The following HSF2BP variants were observed in gnomAD, a reference collection of about 807,000 sequenced individuals.
HSF2BP encodes heat shock transcription factor 2 binding protein.
Under a neutral mutation model 35.0 loss-of-function variants are expected in HSF2BP, and 35 were observed. The ratio of observed to expected loss-of-function variants is 1.00; its 90% CI spans 0.76 to 1.32. The LOEUF is 1.32. HSF2BP is among the 40% of genes most tolerant of loss of function. The probability of loss-of-function intolerance (pLI) is 0.00; values close to 1 mark genes in which losing one functional copy is unlikely to be tolerated. For missense variants in HSF2BP, 326 were observed against 321.7 expected (o/e 1.01, Z -0.10); for synonymous variants, 114 against 117.4 (o/e 0.97, Z 0.18).
At chr21:43,585,613 T>C (rs1369297218) in intron 8 of HSF2BP, among the ~76,000 whole-genome samples, 2 of 149,088 alleles carry the variant, frequency 1.3e-5, no homozygotes, top group Admixed American at 6.7e-5. Context: ...GCCACTGCAC[T>C]CCAGCCTGGG....
chr21:43,467,924 C>CCA, the HSF2BP span, among the ~76,000 whole-genome samples: 2 of 119,402 alleles, frequency 1.7e-5, no homozygotes, highest in Admixed American at 8.2e-5. Flanking sequence ...ACCACACACA[C>CCA]CACACACCAC....
chr21:43,644,438 T>C (rs756728118), intron 3 of HSF2BP, 46 bp from the exon 4 acceptor site: 1 of 1,445,724 alleles, frequency 6.9e-7, no homozygotes, highest in South Asian at 1.1e-5. Flanking sequence ...AAGTCACTAA[T>C]CTCTCCCTAA....
Position 43,654,716 on chromosome 21 carries a change from C to T in HSF2BP, c.187+1871G>A, listed in dbSNP as rs555192493. 1.1e-4 allele frequency among the ~76,000 whole-genome samples: 17 copies of T among 152,274 alleles called. No homozygotes were observed. In the East Asian group the frequency reaches 3.1e-3, roughly 28 times the overall value. ...GAAGAAATGCCAAGTCGGAGTCAGGCACAAGGCCGTGAGCTTGGAGAGTTC... is the reference window on the plus strand; with the variant it reads ...GAAGAAATGCCAAGTCGGAGTCAGGTACAAGGCCGTGAGCTTGGAGAGTTC... On this transcript the variant is annotated intron_variant, in intron 3 of 8. Coordinates refer to ENST00000291560, the MANE Select transcript of HSF2BP (RefSeq NM_007031.2).
At chr21:43,580,583 C>G (rs532895886) in intron 8 of HSF2BP, among the ~76,000 whole-genome samples, 2 of 152,314 alleles carry the variant, frequency 1.3e-5, no homozygotes, top group Non-Finnish European at 2.9e-5. Context: ...GGAGAAGTTT[C>G]AAGTCAATAA....
chr21:43,644,349 A>G lies in HSF2BP; in HGVS notation c.231T>C (p.Asp77=), dbSNP rs1568939002. 2 of 1,614,034 alleles carry G rather than the reference A, an allele frequency of 1.2e-6. No homozygotes were observed. Among genetic ancestry groups the G allele is most frequent in the Admixed American group, 3.3e-5 (2 of 60,002 alleles). The part of the protein sequence containing the change: ...KEQELEQLKM[D]CEHFKARLET... Reference sequence around the variant, plus strand: ...CCAGGCGGGCTTTAAAGTGCTCACAATCCATTTTCAGCTGCTCTAATTCTT... The same window carrying G: ...CCAGGCGGGCTTTAAAGTGCTCACAGTCCATTTTCAGCTGCTCTAATTCTT... Residue 77 remains aspartate (D), a synonymous_variant, in exon 4 of 9, where the codon GAT becomes GAC. Transcript: ENST00000291560.
At chr21:43,623,019 G>A (rs114067680) in intron 6 of HSF2BP, among the ~76,000 whole-genome samples, 101 of 149,316 alleles carry the variant, frequency 6.8e-4, no homozygotes, top group African/African-American at 2.4e-3. Flanking sequence ...GCCCAGGCTC[G>A]TCTGAAACTC....
At chr21:43,574,751 C>T (rs937257622) in intron 8 of HSF2BP, among the ~76,000 whole-genome samples, 7 of 152,164 alleles carry the variant, frequency 4.6e-5, no homozygotes, top group Admixed American at 2.6e-4. Context: ...CACACAGGGC[C>T]GCCCTCCATG....
chr21:43,583,808 AGAGATGAAGGGCCTGCTGAGG>A, intron 8 of HSF2BP, among the ~76,000 whole-genome samples: 1 of 28,968 alleles, frequency 3.5e-5, no homozygotes, highest in East Asian at 1.2e-3. Context: ...ACCTGCTGAG[AGAGATGAAGGGCCTGCTGAGG>A]GAGATGAGGA....
intron 8 of HSF2BP, among the ~76,000 whole-genome samples, chr21:43,580,717 C>T (rs2081715548): frequency 1.3e-5 from 2 of 152,166 alleles, no homozygotes; most frequent in Admixed American, 6.5e-5. Context: ...AACACTTGAC[C>T]AACATAATAA....
Position 43,599,518 on chromosome 21 carries a change from A to T in HSF2BP, c.693-7190T>A, listed in dbSNP as rs577142299. ...ATATTAAATGTTATTTCTTGGCCAG[A>T]TGCAGTGGCTCATGCCTGTAATCCC... On this transcript the variant is annotated intron_variant, in intron 7 of 8. Coordinates refer to ENST00000291560, the MANE Select transcript of HSF2BP (RefSeq NM_007031.2). Among the ~76,000 whole-genome samples, 6 of 152,254 alleles carry T rather than the reference A, an allele frequency of 3.9e-5. No homozygotes were observed. The East Asian group carries it at 1.2e-3, about 29-fold the overall frequency.
rs1397807380 is a variant in HSF2BP at position 43,658,193 on chromosome 21, G to C, written c.-97C>G. On this transcript the variant is annotated 5_prime_UTR_variant, in exon 2 of 9. Transcript: ENST00000291560. ...GGAACGAATCCACGCCGGGGGTCGG[G>C]AACGGAGAGCCGCCAGGCCCAAACC... 5.1e-6 allele frequency: 7 copies of C among 1,360,684 alleles called. No homozygotes were observed. The highest frequency in any genetic ancestry group is 3.0e-5 in the African/African-American group (2 of 66,586). The allele number at this position is 1,360,684 out of a possible 1,614,324, so 84.3% of individuals were successfully genotyped here.
Position 43,659,466 on chromosome 21 carries a change from C to G in HSF2BP, c.-305G>C, listed in dbSNP as rs935905916. ...CACACGGGCTGGGCCGCTCCGCCAGCTGCCAGGGCCACTGCCGCGCTCACT... is the reference window on the plus strand; with the variant it reads ...CACACGGGCTGGGCCGCTCCGCCAGGTGCCAGGGCCACTGCCGCGCTCACT... On this transcript the variant is annotated 5_prime_UTR_variant, in exon 1 of 9. Transcript: ENST00000291560. This position sits in a 1 kb window ranked among gnomAD's most constrained non-coding sequence, Gnocchi z 4.2. 19 of 384,388 alleles carry G rather than the reference C, an allele frequency of 4.9e-5. No individual in the cohort carries two copies. The Admixed American group carries it at 9.2e-4, about 19-fold the overall frequency. The allele number at this position is 384,388 out of a possible 1,614,324, so 23.8% of individuals were successfully genotyped here.
chr21:43,633,158 C>A, intron 5 of HSF2BP, 114 bp downstream of exon 5: 1 of 1,175,242 alleles, frequency 8.5e-7, no homozygotes, highest in Non-Finnish European at 1.2e-6. Flanking sequence ...GATGAGTGAA[C>A]AAAAGAAAAT....
At chr21:43,596,220 C>T (rs1014240910) in intron 7 of HSF2BP, among the ~76,000 whole-genome samples, 1 of 152,060 alleles carries the variant, frequency 6.6e-6, no homozygotes, top group African/African-American at 2.4e-5. Flanking sequence ...TTCTCTGATC[C>T]ACCACATAAT....
chr21:43,608,721 G>A (rs981563630), intron 7 of HSF2BP, among the ~76,000 whole-genome samples: 3 of 152,086 alleles, frequency 2.0e-5, no homozygotes, highest in Non-Finnish European at 4.4e-5. Context: ...CAGCACTTTG[G>A]GAGGCTGAGG....
At chr21:43,636,627 C>A (rs754305824) in intron 4 of HSF2BP, among the ~76,000 whole-genome samples, 3 of 152,078 alleles carry the variant, frequency 2.0e-5, no homozygotes, top group South Asian at 2.1e-4. Context: ...TGTGTCCGGG[C>A]GCGATGGTAA....
intron 6 of HSF2BP, among the ~76,000 whole-genome samples, chr21:43,622,327 C>T (rs970144109): frequency 1.3e-5 from 2 of 151,980 alleles, no homozygotes; most frequent in African/African-American, 2.4e-5. Context: ...CCTTACTTAT[C>T]GATAGTAACA....
intron 7 of HSF2BP, among the ~76,000 whole-genome samples, chr21:43,593,234 C>G (rs375570000): frequency 6.6e-6 from 1 of 152,132 alleles, no homozygotes. Context: ...CTGCAGAAAC[C>G]AGAAGAGAGG....
intron 7 of HSF2BP, among the ~76,000 whole-genome samples, chr21:43,611,361 T>C (rs532950652): frequency 9.8e-4 from 149 of 152,336 alleles, no homozygotes; most frequent in Non-Finnish European, 1.9e-3. Context: ...CTGGATAAGA[T>C]GGCCTGAACA....
Sources: allele counts gnomAD v4.1 joint callset (sites outside exome capture counted in the v4.1 genomes callset), GRCh38; gene constraint gnomAD v4.1.1; non-coding constraint Gnocchi (gnomAD v3.1); transcripts MANE v1.5; gene names NCBI Gene and HGNC (gene_info 2026-07-23, HGNC 2026-07-21).